Variants in ABCA4 observed in about 807,000 individuals in gnomAD.
ABCA4 encodes ATP binding cassette subfamily A member 4, also known as retinal-specific phospholipid-transporting ATPase ABCA4.
In ABCA4, 196 loss-of-function variants were observed where a neutral mutation model predicts 263.7. The ratio of observed to expected loss-of-function variants is 0.74; its 90% CI spans 0.66 to 0.84. The LOEUF is 0.84. ABCA4 is among the 40% of genes least tolerant of loss of function. ABCA4 has a pLI of 0.00. For synonymous variants in ABCA4, 1,133 were observed against 1,094.2 expected, an observed-to-expected ratio of 1.04 and a Z score of -0.70; for missense variants, 2,792 against 2,855.1, an observed-to-expected ratio of 0.98 and a Z score of 0.50.
rs553611349 is a variant in ABCA4, at chr1:94,086,686, G to A, written c.769-3245C>T. On this transcript the variant is annotated intron_variant, in intron 6 of 49. Transcript: ENST00000370225. ...TTGGCACATATCCTTCCAGAAGCACGAAGACTTTAACTTCTTTTTATATCT... is the reference window on the plus strand; with the variant it reads ...TTGGCACATATCCTTCCAGAAGCACAAAGACTTTAACTTCTTTTTATATCT... 7.9e-5 allele frequency among the ~76,000 whole-genome samples: 12 copies of A among 152,212 alleles called. No individual in the cohort carries two copies. In the South Asian group the frequency reaches 2.5e-3, roughly 32 times the overall value.
At position 94,047,058 on chromosome 1, in the gene ABCA4, G is replaced by A. The variant is rs985690206; in HGVS notation, c.2779C>T (p.Pro927Ser). ...FFEREHPGWV[P>S]GVCVKNLVKI... ...ACCAGATTCTTCACGCATACCCCAG[G>A]AACCCACCCTGGATGCTCACGTTCA... Residue 927 changes from proline to serine, a missense_variant, in exon 19 of 50, where the codon CCT (proline) becomes TCT (serine). By Grantham distance (74) the Pro-to-Ser change is moderately conservative. Coordinates refer to ENST00000370225, the MANE Select transcript of ABCA4 (RefSeq NM_000350.3). 3 of 1,614,136 alleles carry A rather than the reference G, an allele frequency of 1.9e-6. No individual in the cohort carries two copies. The highest frequency in any genetic ancestry group is 3.3e-5 in the Admixed American group (2 of 60,024).
At chr1:94,038,136 G>A (rs1344663811) in intron 24 of ABCA4, among the ~76,000 whole-genome samples, 1 of 150,026 alleles carries the variant, frequency 6.7e-6, no homozygotes. Flanking sequence ...GAAATGCAGA[G>A]GGGGGGTTGA....
chr1:94,002,093 G>A (rs2100995869), intron 44 of ABCA4, 101 bp from the exon 45 acceptor site: 1 of 1,563,936 alleles, frequency 6.4e-7, no homozygotes, highest in Non-Finnish European at 8.7e-7. Context: ...CCTCCAGAAT[G>A]AAATCCCCAG....
chr1:94,055,389 G>A (rs1004379807), intron 15 of ABCA4, 74 bp from the exon 16 acceptor site: 34 of 1,473,950 alleles, frequency 2.3e-5, no homozygotes, highest in Admixed American at 1.8e-4. Flanking sequence ...AGATGCCCTC[G>A]AGGTAGAGGG....
chr1:94,091,807 C>A lies in ABCA4; in HGVS notation c.768+6987G>T, dbSNP rs374071551. 4.4e-4 allele frequency among the ~76,000 whole-genome samples: 67 copies of A among 152,290 alleles called. 1 individual carries two copies. In the East Asian group the frequency reaches 7.7e-3, roughly 18 times the overall value. ...GAGGTCAGTCTAAGGGGCCTTTAGG[C>A]CTTGATCCTGTGCTTAAGAAATTGA... On this transcript the variant is annotated intron_variant, in intron 6 of 49. Coordinates refer to ENST00000370225, the MANE Select transcript of ABCA4 (RefSeq NM_000350.3).
chr1:94,107,509 T>C (rs1206031689), intron 4 of ABCA4, among the ~76,000 whole-genome samples: 1 of 152,188 alleles, frequency 6.6e-6, no homozygotes, highest in East Asian at 1.9e-4. Context: ...TAAAGGCACA[T>C]TGGTGTTATT....
intron 30 of ABCA4, among the ~76,000 whole-genome samples, chr1:94,025,861 T>C (rs550066951): frequency 2.6e-5 from 4 of 152,340 alleles, no homozygotes; most frequent in African/African-American, 9.6e-5. Context: ...CTTTGCCTGA[T>C]TTGTGAGCTG....
At chr1:94,080,385 T>C in intron 8 of ABCA4, 93 bp downstream of exon 8, 1 of 1,558,196 alleles carries the variant, frequency 6.4e-7, no homozygotes, top group Non-Finnish European at 8.8e-7. Context: ...ACAAGACAGA[T>C]GCAACCCCAG....
chr1:94,083,518 T>C (rs1661757688), intron 6 of ABCA4, 77 bp from the exon 7 acceptor site: 6 of 1,126,212 alleles, frequency 5.3e-6, no homozygotes, highest in Non-Finnish European at 7.9e-6. Flanking sequence ...CAGTCTGATC[T>C]CCTATATGTT....
chr1:94,115,567 C>A (rs2101173648), intron 1 of ABCA4, among the ~76,000 whole-genome samples: 1 of 152,270 alleles, frequency 6.6e-6, no homozygotes, highest in East Asian at 1.9e-4. Flanking sequence ...TGACCTTGGG[C>A]AGCCCACTCA....
intron 44 of ABCA4, among the ~76,000 whole-genome samples, chr1:94,004,680 AT>A (rs1179298188): frequency 6.6e-6 from 1 of 151,916 alleles, no homozygotes; most frequent in Non-Finnish European, 1.5e-5. Flanking sequence ...ATTCTTACTG[AT>A]TTTTTTTGAA....
At chr1:94,059,841 A>G (rs545907839) in intron 14 of ABCA4, among the ~76,000 whole-genome samples, 1 of 152,360 alleles carries the variant, frequency 6.6e-6, no homozygotes, top group African/African-American at 2.4e-5. Context: ...AAAATGAAGG[A>G]TAGCAGCGCA....
intron 7 of ABCA4, among the ~76,000 whole-genome samples, chr1:94,081,280 A>G (rs1456782723): frequency 6.6e-6 from 1 of 152,186 alleles, no homozygotes; most frequent in African/African-American, 2.4e-5. Flanking sequence ...GCACTGTAGT[A>G]TAGCCTCTCT....
chr1:94,023,937 T>C (rs1659969910), intron 31 of ABCA4, among the ~76,000 whole-genome samples: 1 of 152,212 alleles, frequency 6.6e-6, no homozygotes, highest in Non-Finnish European at 1.5e-5. Flanking sequence ...CTCAATCCCA[T>C]GAACTGTCAT....
chr1:94,107,219 T>A (rs532860921), intron 4 of ABCA4, among the ~76,000 whole-genome samples: 2 of 152,182 alleles, frequency 1.3e-5, no homozygotes, highest in South Asian at 4.2e-4. Flanking sequence ...AACTCCCTAA[T>A]CCTAGGAGCA....
Position 93,998,062 on chromosome 1 carries a change from G to A in ABCA4, c.6528C>T (p.Asp2176=), listed in dbSNP as rs767917933. The change falls in exon 48 of 50, where the codon GAC becomes GAT. Residue 2176 remains aspartate (D), a synonymous_variant. Coordinates refer to ENST00000370225, the MANE Select transcript of ABCA4 (RefSeq NM_000350.3). ...IVTMKIKSPK[D]DLLPDLNPVE... Reference sequence around the variant, plus strand: ...CAGGGTTCAGGTCAGGAAGCAGGTCGTCCTTCGGGGATTTGATCTTCATTG... The same window carrying A: ...CAGGGTTCAGGTCAGGAAGCAGGTCATCCTTCGGGGATTTGATCTTCATTG... 23 of 1,614,090 alleles carry A rather than the reference G, an allele frequency of 1.4e-5. No individual in the cohort carries two copies. Among genetic ancestry groups the A allele is most frequent in the Admixed American group, 3.3e-5 (2 of 60,014 alleles).
intron 21 of ABCA4, among the ~76,000 whole-genome samples, 191 bp downstream of exon 21, chr1:94,043,145 C>T (rs1660565170): frequency 1.3e-5 from 2 of 152,216 alleles, no homozygotes; most frequent in Admixed American, 1.3e-4. Flanking sequence ...ACAAATAAAA[C>T]CCAGGCTGCT....
At chr1:94,019,985 C>T (rs1037665060) in intron 35 of ABCA4, among the ~76,000 whole-genome samples, 1 of 152,138 alleles carries the variant, frequency 6.6e-6, no homozygotes, top group Non-Finnish European at 1.5e-5. Flanking sequence ...GTGAATATTT[C>T]TAGACAACCT....
chr1:94,103,267 C>T, intron 4 of ABCA4, 125 bp from the exon 5 acceptor site: 1 of 1,216,558 alleles, frequency 8.2e-7, no homozygotes, highest in Non-Finnish European at 1.2e-6. Context: ...TTCTTGGGGT[C>T]TCTGGGAGCC....
Sources: gnomAD v4.1 joint callset for allele counts (sites outside exome capture counted in the v4.1 genomes callset) on GRCh38, gnomAD v4.1.1 for gene constraint, MANE v1.5 for transcripts, NCBI Gene and HGNC (gene_info 2026-07-23, HGNC 2026-07-21) for gene names.